Variants in FAM184B observed in about 807,000 individuals in gnomAD.
FAM184B encodes the protein protein FAM184B.
A neutral mutation model predicts 135.9 loss-of-function variants in FAM184B; 111 were observed. The observed-to-expected ratio is 0.82, with a 90% CI of 0.70 to 0.96. The LOEUF (loss-of-function observed/expected upper bound fraction) is 0.96, where lower values mean the gene tolerates loss of function less well. Ranked by LOEUF, FAM184B falls within the 40% of genes least tolerant of loss-of-function variation. The pLI is 0.00. For synonymous variants in FAM184B, 552 were observed against 524.8 expected, an observed-to-expected ratio of 1.05 and a Z score of -0.71; for missense variants, 1,375 against 1,323.9, an observed-to-expected ratio of 1.04 and a Z score of -0.60.
intron 1 of FAM184B, among the ~76,000 whole-genome samples, chr4:17,716,566 G>A (rs1166836616): frequency 6.6e-6 from 1 of 152,014 alleles, no homozygotes; most frequent in East Asian, 1.9e-4. Flanking sequence ...GGTTGGTCTC[G>A]AACTCCTGGG....
At chr4:17,735,433 C>T (rs1179249646) in intron 1 of FAM184B, among the ~76,000 whole-genome samples, 1 of 151,900 alleles carries the variant, frequency 6.6e-6, no homozygotes, top group African/African-American at 2.4e-5. Flanking sequence ...ACTACTGGTT[C>T]AATTAAAATG....
At chr4:17,731,973 A>G (rs1332100768) in intron 1 of FAM184B, among the ~76,000 whole-genome samples, 2 of 152,224 alleles carry the variant, frequency 1.3e-5, no homozygotes, top group Non-Finnish European at 2.9e-5. Flanking sequence ...AACAGAAATT[A>G]TAACAAACTG....
At chr4:17,766,144 G>C (rs1340368596) in intron 1 of FAM184B, among the ~76,000 whole-genome samples, 1 of 152,184 alleles carries the variant, frequency 6.6e-6, no homozygotes, top group Admixed American at 6.5e-5. Context: ...CCATTGCTGG[G>C]TCAGGCAGCC....
In FAM184B at chr4:17,632,043, A is replaced by ATTTTTTTTTTTTTTTTTTTTTTTTTTT. The variant is rs199549580; in HGVS notation, c.*462_*488dup. On this transcript the variant is annotated 3_prime_UTR_variant, in exon 18 of 18. Transcript: ENST00000265018. ...TTTTAATAACACTGGTTTAATGTCAATTTTTTTTTTTTTTTTTTTTTTTTT... is the reference window on the plus strand; with the variant it reads ...TTTTAATAACACTGGTTTAATGTCAATTTTTTTTTTTTTTTTTTTTTTTTTTTTTTTTTTTTTTTTTTTTTTTTTTTT... 3 of 117,624 alleles carry ATTTTTTTTTTTTTTTTTTTTTTTTTTT rather than the reference A, an allele frequency of 2.6e-5. No homozygotes were observed. The highest frequency in any genetic ancestry group is 2.2e-4 in the East Asian group (1 of 4,606). The allele number at this position is 117,624 out of a possible 1,614,324, so 7.3% of individuals were successfully genotyped here. A position where few individuals can be genotyped will look rare whatever the true frequency, so the allele number is the denominator to read the frequency against.
intron 1 of FAM184B, among the ~76,000 whole-genome samples, chr4:17,723,015 T>C (rs1032723033): frequency 3.2e-4 from 48 of 152,212 alleles, no homozygotes; most frequent in African/African-American, 1.1e-3. Flanking sequence ...TTCACCTCTT[T>C]ATATGCCAAT....
rs61539641 is a variant in FAM184B at position 17,721,383 on chromosome 4, CAAAAAAA to C, written c.142-11746_142-11740del. ...TGGGCGACAGAGAAAGATTCTGTCTCAAAAAAAAAAAAAAAAAAAAAAATCTCTTTGC... is the reference window on the plus strand; with the variant it reads ...TGGGCGACAGAGAAAGATTCTGTCTCAAAAAAAAAAAAAAAATCTCTTTGC... On this transcript the variant is annotated intron_variant, in intron 1 of 17. Transcript: ENST00000265018. 6.3e-3 allele frequency among the ~76,000 whole-genome samples: 298 copies of C among 47,410 alleles called. 10 individuals carry two copies. Among genetic ancestry groups the C allele is most frequent in the Non-Finnish European group, 0.01 (260 of 25,030 alleles). 31.1% of individuals were successfully genotyped at this position (47,410 alleles called of 152,430 possible). A position where few individuals can be genotyped will look rare whatever the true frequency, so the allele number is the denominator to read the frequency against.
chr4:17,704,188 G>C (rs1420954057), intron 5 of FAM184B, among the ~76,000 whole-genome samples: 3 of 152,146 alleles, frequency 2.0e-5, no homozygotes, highest in Non-Finnish European at 4.4e-5. Context: ...CTATAAAGAG[G>C]CCTCCTTGTA....
At chr4:17,704,080 G>C (rs980389401) in intron 5 of FAM184B, among the ~76,000 whole-genome samples, 2 of 152,134 alleles carry the variant, frequency 1.3e-5, no homozygotes, top group Non-Finnish European at 2.9e-5. Flanking sequence ...ATAATCTTGA[G>C]TATTTACTAC....
intron 14 of FAM184B, among the ~76,000 whole-genome samples, chr4:17,636,849 A>AG (rs1013262051): frequency 7.9e-4 from 121 of 152,270 alleles, no homozygotes; most frequent in African/African-American, 2.8e-3. Flanking sequence ...CTGAGGCTGC[A>AG]GGGCCAGGAA....
chr4:17,739,518 G>A lies in FAM184B; in HGVS notation c.142-29874C>T, dbSNP rs980888792. Among the ~76,000 whole-genome samples, 14 of 137,470 alleles carry A rather than the reference G, an allele frequency of 1.0e-4. No individual in the cohort carries two copies. In the South Asian group the frequency reaches 1.2e-3, roughly 12 times the overall value. 90.2% of individuals were successfully genotyped at this position (137,470 alleles called of 152,430 possible). ...ATGGCAGAGCAGAAGAATAACAAGA[G>A]CCTGGCTGGCTCCCTACACCATATG... On this transcript the variant is annotated intron_variant, in intron 1 of 17. Transcript: ENST00000265018.
At chr4:17,689,836 A>T (rs1211524347) in intron 6 of FAM184B, among the ~76,000 whole-genome samples, 2 of 152,092 alleles carry the variant, frequency 1.3e-5, no homozygotes, top group African/African-American at 4.8e-5. Context: ...TTTATAAGGT[A>T]GGCACTACTG....
At chr4:17,727,017 A>G (rs532931378) in intron 1 of FAM184B, among the ~76,000 whole-genome samples, 2 of 152,134 alleles carry the variant, frequency 1.3e-5, no homozygotes, top group African/African-American at 4.8e-5. Context: ...GAGTCAGGGT[A>G]CCTGCTCAGT....
At chr4:17,648,602 CATT>C (rs1204171694) in intron 11 of FAM184B, among the ~76,000 whole-genome samples, 1 of 152,014 alleles carries the variant, frequency 6.6e-6, no homozygotes, top group African/African-American at 2.4e-5. Flanking sequence ...GATCCACCCA[CATT>C]AGCCTCCCAA....
intron 6 of FAM184B, 72 bp downstream of exon 6, chr4:17,693,230 G>A: frequency 8.5e-7 from 1 of 1,175,394 alleles, no homozygotes; most frequent in Non-Finnish European, 1.2e-6. Flanking sequence ...AAAATTCTTG[G>A]CTTCTCAGTT....
rs186594573 is a variant in FAM184B at position 17,631,112 on chromosome 4, C to G, written c.*1420G>C. 6.6e-5 allele frequency: 10 copies of G among 152,204 alleles called. No individual in the cohort carries two copies. The highest frequency in any genetic ancestry group is 5.2e-4 in the Admixed American group (8 of 15,282). The allele number at this position is 152,204 out of a possible 1,614,324, so 9.4% of individuals were successfully genotyped here. The stretch of plus-strand genomic sequence containing the variant: ...GAGCAAGGTCAGCACCGTGAACAGC[C>G]ATTGCGGTTCCTTTAACCCACTGGG... On this transcript the variant is annotated 3_prime_UTR_variant, in exon 18 of 18. Transcript: ENST00000265018.
intron 1 of FAM184B, among the ~76,000 whole-genome samples, chr4:17,768,535 A>G (rs889159859): frequency 6.6e-6 from 1 of 152,172 alleles, no homozygotes; most frequent in Non-Finnish European, 1.5e-5. Flanking sequence ...TCGGCCTCCC[A>G]AAGTGCTGGG....
chr4:17,651,412 C>A (rs1395854495), intron 11 of FAM184B, among the ~76,000 whole-genome samples: 1 of 151,666 alleles, frequency 6.6e-6, no homozygotes, highest in Non-Finnish European at 1.5e-5. Flanking sequence ...GTGGCGGGCG[C>A]CTGTAGTCCC....
At chr4:17,744,459 T>TCACA (rs1359692139) in intron 1 of FAM184B, among the ~76,000 whole-genome samples, 2 of 135,812 alleles carry the variant, frequency 1.5e-5, no homozygotes, top group Admixed American at 1.6e-4. Context: ...TCTCTCTCTC[T>TCACA]CTCACACACA....
intron 7 of FAM184B, among the ~76,000 whole-genome samples, chr4:17,666,939 TTTTTTTTG>T (rs377648114): frequency 0.016 from 2,405 of 151,926 alleles, 26 homozygotes; most frequent in African/African-American, 0.024. Context: ...ACACCCACTT[TTTTTTTTG>T]TTTTTTTGTT....
Sources: gnomAD v4.1 joint callset for allele counts (sites outside exome capture counted in the v4.1 genomes callset) on GRCh38, gnomAD v4.1.1 for gene constraint, MANE v1.5 for transcripts, NCBI Gene and HGNC (gene_info 2026-07-23, HGNC 2026-07-21) for gene names.